ZNF331: variants seen among roughly 807,000 people sequenced by gnomAD.
ZNF331 encodes C2H2-like zinc finger protein rearranged in thyroid adenomas.
In ZNF331, 2 loss-of-function variants were observed where a neutral mutation model predicts 7.0. That is an observed-to-expected ratio of 0.29 (90% CI 0.12 to 0.90). The LOEUF (loss-of-function observed/expected upper bound fraction) is 0.90. Among genes scored for constraint, ZNF331 ranks in the 40% least tolerant of loss-of-function variants. The probability of loss-of-function intolerance (pLI) is 0.58; values close to 1 mark genes in which losing one functional copy is unlikely to be tolerated. For synonymous variants in ZNF331, 196 were observed against 205.4 expected (o/e 0.95, Z 0.39); for missense variants, 432 against 587.7 (o/e 0.74, Z 2.74).
chr19:53,523,301 C>T (rs937305504), intron 2 of ZNF331: 12 of 151,850 alleles, frequency 7.9e-5, no homozygotes, highest in African/African-American at 2.9e-4. Flanking sequence ...TCACTGGAAC[C>T]TCTGCGTCCT....
At chr19:53,546,155 A>AAAAAAAAAAAAAAAAAAC in intron 2 of ZNF331, among the ~76,000 whole-genome samples, 1 of 143,676 alleles carries the variant, frequency 7.0e-6, no homozygotes, top group Non-Finnish European at 1.5e-5. Flanking sequence ...AAAAAAAAAA[A>AAAAAAAAAAAAAAAAAAC]AAAAAATTAT....
At chr19:53,545,722 G>A (rs745912746) in intron 2 of ZNF331, among the ~76,000 whole-genome samples, 5 of 152,150 alleles carry the variant, frequency 3.3e-5, no homozygotes, top group South Asian at 2.1e-4. Flanking sequence ...TGAGAGCAGC[G>A]GCCCCCAGTG....
the ZNF331 span, among the ~76,000 whole-genome samples, chr19:53,514,211 T>C: frequency 6.6e-6 from 1 of 151,640 alleles, no homozygotes; most frequent in Non-Finnish European, 1.5e-5. Context: ...TTCTCTGTTT[T>C]TTTTTGAGAC....
chr19:53,506,643 C>T, the ZNF331 span, among the ~76,000 whole-genome samples: 1 of 152,054 alleles, frequency 6.6e-6, no homozygotes, highest in Non-Finnish European at 1.5e-5. Context: ...AAATACAAAA[C>T]ACAAAAACAA....
At chr19:53,513,172 G>A in the ZNF331 span, among the ~76,000 whole-genome samples, 1 of 151,382 alleles carries the variant, frequency 6.6e-6, no homozygotes, top group East Asian at 1.9e-4. Context: ...CTCAGCCGCT[G>A]AGAAATCTGT....
chr19:53,574,198 G>A lies in ZNF331; in HGVS notation c.136+2468G>A, dbSNP rs769855596. On this transcript the variant is annotated intron_variant, in intron 5 of 5. Coordinates refer to ENST00000449416, the MANE Select transcript of ZNF331 (RefSeq NM_001079906.2). Reference sequence around the variant, plus strand: ...CAAGTTCTATGTCCTCTAGCATTTCGTTTTTTTAAAGGAGGGCATATAATT... The same window carrying A: ...CAAGTTCTATGTCCTCTAGCATTTCATTTTTTTAAAGGAGGGCATATAATT... Among the ~76,000 whole-genome samples the A allele has an allele frequency of 1.5e-4, 23 of 152,094 alleles. 1 individual carries two copies. Among genetic ancestry groups the A allele is most frequent in the Admixed American group, 6.6e-4 (10 of 15,258 alleles).
At chr19:53,547,615 A>G (rs570313507) in intron 2 of ZNF331, among the ~76,000 whole-genome samples, 1 of 152,324 alleles carries the variant, frequency 6.6e-6, no homozygotes, top group Admixed American at 6.5e-5. Flanking sequence ...GTTTTCCATC[A>G]TGGCTAATTT....
chr19:53,505,593 G>T, the ZNF331 span, among the ~76,000 whole-genome samples: 1 of 152,196 alleles, frequency 6.6e-6, no homozygotes, highest in Non-Finnish European at 1.5e-5. Context: ...GGTGGGTAAA[G>T]GTGCTAAGGA....
At chr19:53,507,292 C>T in the ZNF331 span, among the ~76,000 whole-genome samples, 2 of 152,166 alleles carry the variant, frequency 1.3e-5, no homozygotes, top group Admixed American at 1.3e-4. Context: ...TGTTACTTTG[C>T]TGCTGAGCTC....
chr19:53,550,207 G>A (rs979327884), intron 2 of ZNF331, among the ~76,000 whole-genome samples: 3 of 152,140 alleles, frequency 2.0e-5, no homozygotes, highest in Non-Finnish European at 4.4e-5. Flanking sequence ...ACATGCTGCC[G>A]CTATTAGAGA....
chr19:53,543,968 G>C (rs941520086), intron 2 of ZNF331, among the ~76,000 whole-genome samples: 2 of 151,924 alleles, frequency 1.3e-5, no homozygotes, highest in Non-Finnish European at 1.5e-5. Flanking sequence ...GTGGCTCATG[G>C]CTGTAATCCC....
chr19:53,576,813 T>C lies in ZNF331; in HGVS notation c.253T>C (p.Cys85Arg), dbSNP rs61744130. 0.054 allele frequency: 86,582 copies of C among 1,614,056 alleles called. 3,133 individuals carry two copies. Among genetic ancestry groups the C allele is most frequent in the South Asian group, 0.14 (13,117 of 91,080 alleles). ...TAAATCCCTTGGCCGTAACTGGATA[T>C]GTGAAGGTACGCTTGAAAGACCACA... Reference protein sequence around the residue: ...RSKSLGRNWICEGTLERPQRS... With the variant: ...RSKSLGRNWIREGTLERPQRS... The change falls in exon 6 of 6, where the codon TGT becomes CGT. Residue 85 changes from cysteine to arginine, a missense_variant. Coordinates refer to ENST00000449416, the MANE Select transcript of ZNF331 (RefSeq NM_001079906.2).
the ZNF331 span, among the ~76,000 whole-genome samples, chr19:53,509,116 G>T: frequency 6.6e-6 from 1 of 152,268 alleles, no homozygotes; most frequent in South Asian, 2.1e-4. Context: ...AGGTGCTGGG[G>T]GTTCCTGTGC....
At chr19:53,506,200 TGGCG>T in the ZNF331 span, among the ~76,000 whole-genome samples, 3 of 142,512 alleles carry the variant, frequency 2.1e-5, no homozygotes, top group African/African-American at 2.7e-5. Flanking sequence ...CCGGGCGTGG[TGGCG>T]GGCGCCTGTA....
chr19:53,577,128 A>G lies in ZNF331; in HGVS notation c.568A>G (p.Lys190Glu), dbSNP rs1339378811. ...TACTGGGGAGAAGCCCTACGAATGT[A>G]AAGACTGTGGGAAGGCTTTTCGATG... ...IHTGEKPYEC[K>E]DCGKAFRWGS... The change falls in exon 6 of 6, where the codon AAA (lysine) becomes GAA (glutamate). Residue 190 changes from lysine to glutamate, a missense_variant. Transcript: ENST00000449416. The G allele has an allele frequency of 1.2e-6, 2 of 1,614,232 alleles. No homozygotes were observed. Among genetic ancestry groups the G allele is most frequent in the South Asian group, 1.1e-5 (1 of 91,086 alleles).
chr19:53,563,880 C>G (rs1294325132), intron 3 of ZNF331: 3 of 151,686 alleles, frequency 2.0e-5, no homozygotes, highest in Admixed American at 6.6e-5. Context: ...ACTAAAAATA[C>G]AAAAATTAGC....
upstream of ZNF331, among the ~76,000 whole-genome samples, chr19:53,519,183 C>T (rs2086979486): frequency 6.6e-6 from 1 of 152,066 alleles, no homozygotes; most frequent in Non-Finnish European, 1.5e-5. Context: ...AGGCGCCCTC[C>T]CTTACCTGAG....
In ZNF331 at chr19:53,546,296, G is replaced by A. The variant is rs1305901758; in HGVS notation, c.-138+7014G>A. Reference sequence around the variant, plus strand: ...GAGTTACCTTTTTTGTTCATTAAATGATTTGTGTTTATATGACTTAGGACT... The same window carrying A: ...GAGTTACCTTTTTTGTTCATTAAATAATTTGTGTTTATATGACTTAGGACT... On this transcript the variant is annotated intron_variant, in intron 2 of 5. Coordinates refer to ENST00000449416, the MANE Select transcript of ZNF331 (RefSeq NM_001079906.2). 3.3e-5 allele frequency among the ~76,000 whole-genome samples: 5 copies of A among 152,006 alleles called. No homozygotes were observed. The East Asian group carries it at 9.6e-4, about 29-fold the overall frequency.
chr19:53,542,037 A>G (rs2088214810), intron 2 of ZNF331, among the ~76,000 whole-genome samples: 1 of 151,994 alleles, frequency 6.6e-6, no homozygotes, highest in South Asian at 2.1e-4. Flanking sequence ...CTGAAATGGT[A>G]TTTATGTTTC....
Sources: gnomAD v4.1 joint callset for allele counts (sites outside exome capture counted in the v4.1 genomes callset) on GRCh38, gnomAD v4.1.1 for gene constraint, MANE v1.5 for transcripts, NCBI Gene and HGNC (gene_info 2026-07-23, HGNC 2026-07-21) for gene names.